The following TASP1 variants were observed in gnomAD, a reference collection of about 807,000 sequenced individuals.
The protein encoded by TASP1 is threonine aspartase 1.
A neutral mutation model predicts 56.6 loss-of-function variants in TASP1; 16 were observed. That is an observed-to-expected ratio of 0.28 (90% CI 0.19 to 0.43). The LOEUF (loss-of-function observed/expected upper bound fraction) is 0.43, where lower values mean the gene tolerates loss of function less well. Ranked by LOEUF, TASP1 falls within the 20% of genes least tolerant of loss-of-function variation. The pLI, the probability that TASP1 is intolerant of heterozygous loss-of-function variation, is 1.00. For synonymous variants in TASP1, 179 were observed against 184.2 expected, an observed-to-expected ratio of 0.97 and a Z score of 0.23; for missense variants, 393 against 511.6, an observed-to-expected ratio of 0.77 and a Z score of 2.24.
intron 4 of TASP1, among the ~76,000 whole-genome samples, chr20:13,613,528 T>C (rs1469714851): frequency 6.6e-6 from 1 of 152,086 alleles, no homozygotes; most frequent in African/African-American, 2.4e-5. Flanking sequence ...TCACTGAAAA[T>C]TAAAGCCAGA....
chr20:13,508,846 G>T (rs1490375388), intron 10 of TASP1, among the ~76,000 whole-genome samples: 1 of 152,076 alleles, frequency 6.6e-6, no homozygotes, highest in African/African-American at 2.4e-5. Context: ...AAAAAGTGTT[G>T]ACAAGGATGT....
At chr20:13,378,711 G>A in the TASP1 span, among the ~76,000 whole-genome samples, 1 of 152,162 alleles carries the variant, frequency 6.6e-6, no homozygotes, top group Non-Finnish European at 1.5e-5. Context: ...GGGAGTCTAA[G>A]TCTCTTTGTA....
chr20:13,457,604 AATTTT>A (rs951805514), intron 11 of TASP1, among the ~76,000 whole-genome samples: 7 of 150,566 alleles, frequency 4.6e-5, no homozygotes, highest in Non-Finnish European at 7.4e-5. Flanking sequence ...TTTTCTTTTT[AATTTT>A]ATTTTATTTT....
intron 3 of TASP1, 52 bp downstream of exon 3, chr20:13,625,133 C>T (rs748899474): frequency 9.9e-5 from 131 of 1,324,896 alleles, no homozygotes; most frequent in Non-Finnish European, 1.2e-4. Context: ...CAAGGTAAAA[C>T]TGCTTTCTGT....
chr20:13,622,241 T>G (rs757524220), intron 4 of TASP1, among the ~76,000 whole-genome samples: 5 of 152,138 alleles, frequency 3.3e-5, no homozygotes, highest in Non-Finnish European at 7.3e-5. Context: ...CTCCATGAAG[T>G]GGGAATTACT....
At position 13,496,104 on chromosome 20, in the gene TASP1, A is replaced by C. The variant is rs181084422; in HGVS notation, c.875-12767T>G. Among the ~76,000 whole-genome samples, 1,124 of 151,994 alleles carry C rather than the reference A, an allele frequency of 7.4e-3. 11 individuals are homozygous for C. The highest frequency in any genetic ancestry group is 0.013 in the Admixed American group (193 of 15,256). ...AGTCTTGCTCTGTCACCCAGGCTGG[A>C]GTGCCCTAGTGCGATCTCAGCTCAC... On this transcript the variant is annotated intron_variant, in intron 10 of 13. Transcript: ENST00000337743.
intron 11 of TASP1, among the ~76,000 whole-genome samples, chr20:13,453,716 G>T (rs2043716678): frequency 6.6e-6 from 1 of 152,068 alleles, no homozygotes; most frequent in African/African-American, 2.4e-5. Flanking sequence ...TAGATGATGG[G>T]ATTACATCAG....
At chr20:13,359,281 C>T in the TASP1 span, among the ~76,000 whole-genome samples, 1 of 149,292 alleles carries the variant, frequency 6.7e-6, no homozygotes, top group Non-Finnish European at 1.5e-5. Context: ...TGCCCGCAGG[C>T]CAGGATTCCT....
the TASP1 span, among the ~76,000 whole-genome samples, chr20:13,192,401 A>T: frequency 6.6e-6 from 1 of 152,124 alleles, no homozygotes; most frequent in Non-Finnish European, 1.5e-5. Flanking sequence ...TTAGCCCAGT[A>T]CGGTGGCAGG....
chr20:13,280,950 G>T, the TASP1 span, among the ~76,000 whole-genome samples: 2 of 152,206 alleles, frequency 1.3e-5, no homozygotes, highest in Non-Finnish European at 2.9e-5. Context: ...ACTTTGGAAT[G>T]AGCAGTATAT....
chr20:13,308,134 A>T, the TASP1 span, among the ~76,000 whole-genome samples: 1 of 152,064 alleles, frequency 6.6e-6, no homozygotes, highest in African/African-American at 2.4e-5. Context: ...TTTATGTTTA[A>T]CTCAATACGT....
the TASP1 span, among the ~76,000 whole-genome samples, chr20:13,341,478 G>T: frequency 6.6e-6 from 1 of 152,024 alleles, no homozygotes; most frequent in African/African-American, 2.4e-5. Flanking sequence ...GTAACATGAG[G>T]GTAACGTAGT....
At chr20:13,401,290 G>C (rs1196298910) in intron 13 of TASP1, among the ~76,000 whole-genome samples, 1 of 151,918 alleles carries the variant, frequency 6.6e-6, no homozygotes, top group Non-Finnish European at 1.5e-5. Context: ...GATGAATACA[G>C]CTTTTGATCT....
chr20:13,481,878 C>G (rs1230750816), intron 11 of TASP1, among the ~76,000 whole-genome samples: 1 of 152,036 alleles, frequency 6.6e-6, no homozygotes, highest in Non-Finnish European at 1.5e-5. Flanking sequence ...TGGGTTGTCT[C>G]TTCACTTTGT....
At chr20:13,356,416 C>T in the TASP1 span, among the ~76,000 whole-genome samples, 5 of 152,308 alleles carry the variant, frequency 3.3e-5, no homozygotes, top group African/African-American at 9.6e-5. Context: ...AATTGAGGAG[C>T]TGCCTGCAGC....
At chr20:13,301,005 G>C in the TASP1 span, among the ~76,000 whole-genome samples, 3 of 152,122 alleles carry the variant, frequency 2.0e-5, no homozygotes, top group African/African-American at 7.2e-5. Context: ...TCCTTTTCCC[G>C]ATGAGAAAAT....
chr20:13,124,576 AG>A, the TASP1 span, among the ~76,000 whole-genome samples: 2 of 152,012 alleles, frequency 1.3e-5, no homozygotes, highest in Non-Finnish European at 2.9e-5. Flanking sequence ...GACGGGTGAA[AG>A]GGGGGGATTC....
At chr20:13,164,809 A>C in the TASP1 span, 1 of 1,613,914 alleles carries the variant, frequency 6.2e-7, no homozygotes, top group Non-Finnish European at 8.5e-7. Flanking sequence ...TATTCCCGGC[A>C]CAAGAAGTCA....
intron 10 of TASP1, among the ~76,000 whole-genome samples, chr20:13,511,417 T>C (rs1257683687): frequency 6.6e-6 from 1 of 152,102 alleles, no homozygotes; most frequent in African/African-American, 2.4e-5. Flanking sequence ...CAAAATCATG[T>C]ATTTTCTTAT....
Sources: allele counts gnomAD v4.1 joint callset (sites outside exome capture counted in the v4.1 genomes callset), GRCh38; gene constraint gnomAD v4.1.1; transcripts MANE v1.5; gene names NCBI Gene and HGNC (gene_info 2026-07-23, HGNC 2026-07-21).